FBXL18: variants seen among roughly 807,000 people sequenced by gnomAD.
FBXL18 encodes the protein F-box/LRR-repeat protein 18.
In FBXL18, 36 loss-of-function variants were observed where a neutral mutation model predicts 46.0. That is an observed-to-expected ratio of 0.78 (90% confidence interval 0.60 to 1.03). FBXL18 has a LOEUF of 1.03. FBXL18 is among the 50% of genes least tolerant of loss of function. The pLI, the probability that FBXL18 is intolerant of heterozygous loss-of-function variation, is 0.00. For missense variants in FBXL18, 977 were observed against 1,004.1 expected, an observed-to-expected ratio of 0.97 and a Z score of 0.36; for synonymous variants, 557 against 465.3, an observed-to-expected ratio of 1.20 and a Z score of -2.54.
In FBXL18 at chr7:5,501,733, G is replaced by T. The variant is rs1405846387; in HGVS notation, c.536C>A (p.Thr179Lys). Residue 179 changes from threonine to lysine, a missense_variant, in exon 3 of 5, where the codon ACG (threonine) becomes AAG (lysine). Transcript: ENST00000382368. ...CACGCCGTAGGAGGGAGTGAACAGC[G>T]TCTGCTTGAGCTCCCGCACGCGGCT... ...TLSRVRELKQ[T>K]LFTPSYGVVP... The T allele has an allele frequency of 3.2e-6, 5 of 1,571,316 alleles. No homozygotes were observed. Among genetic ancestry groups the T allele is most frequent in the Non-Finnish European group, 4.3e-6 (5 of 1,157,972 alleles).
Position 5,500,739 on chromosome 7 carries a change from G to A in FBXL18, c.1530C>T (p.Leu510=). The stretch of plus-strand genomic sequence containing the variant: ...CACTCTGTGCGCGGCTGCAGGGTGG[G>A]AGCGAGTTGCGGATGGCGGGCTCGT... ...PRNEPAIRNS[L]PPCSRAQSVG... is the part of the protein sequence containing the mutation. Residue 510 remains leucine (L), a synonymous_variant, in exon 3 of 5, where the codon CTC becomes CTT. Coordinates refer to ENST00000382368, the MANE Select transcript of FBXL18 (RefSeq NM_024963.6). The A allele has an allele frequency of 6.2e-7, 1 of 1,612,492 alleles. No individual in the cohort carries two copies. The highest frequency in any genetic ancestry group is 8.5e-7 in the Non-Finnish European group (1 of 1,179,696).
chr7:5,470,440 G>T (rs1014608391), intron 4 of FBXL18, among the ~76,000 whole-genome samples: 21 of 152,140 alleles, frequency 1.4e-4, no homozygotes, highest in African/African-American at 4.8e-4. Flanking sequence ...CAAGACACCC[G>T]TGCCCGCGGG....
At chr7:5,498,764 A>G (rs1484254192) in intron 3 of FBXL18, among the ~76,000 whole-genome samples, 1 of 151,940 alleles carries the variant, frequency 6.6e-6, no homozygotes, top group Non-Finnish European at 1.5e-5. Context: ...GTAGAAACAG[A>G]GTTTTACCAT....
chr7:5,501,092 C>T lies in FBXL18; in HGVS notation c.1177G>A (p.Ala393Thr), dbSNP rs766801813. ...CNLRHLNLSA[A>T]HHHSSEGLGR... ...AGGCCCTCCGAGCTGTGGTGGTGGG[C>T]GGCCGAGAGGTTCAGGTGGCGCAGG... Residue 393 changes from alanine (A) to threonine (T), a missense_variant, in exon 3 of 5, where the codon GCC becomes ACC. Coordinates refer to ENST00000382368, the MANE Select transcript of FBXL18 (RefSeq NM_024963.6). 1.2e-6 allele frequency: 2 copies of T among 1,612,176 alleles called. No homozygotes were observed. Among genetic ancestry groups the T allele is most frequent in the Admixed American group, 3.3e-5 (2 of 60,004 alleles).
intron 3 of FBXL18, among the ~76,000 whole-genome samples, chr7:5,493,420 C>A (rs1299037911): frequency 1.3e-5 from 2 of 151,994 alleles, no homozygotes; most frequent in Non-Finnish European, 2.9e-5. Flanking sequence ...CTCAGCCTCC[C>A]GAGTAGCTGG....
chr7:5,488,196 G>A (rs910120209), intron 4 of FBXL18, among the ~76,000 whole-genome samples: 4 of 152,232 alleles, frequency 2.6e-5, no homozygotes, highest in South Asian at 4.1e-4. Context: ...GTCACCCCAG[G>A]AGGCCAGAGG....
At chr7:5,474,765 T>G (rs939616417), downstream of FBXL18, among the ~76,000 whole-genome samples, 4 of 150,982 alleles carry the variant, frequency 2.6e-5, no homozygotes, top group Non-Finnish European at 5.9e-5. Context: ...TGGAGTGCAG[T>G]GGCGCGATCT....
In FBXL18 at chr7:5,477,608, G is replaced by A. The variant is rs1039558569; in HGVS notation, c.*4167C>T. On this transcript the variant is annotated 3_prime_UTR_variant, in exon 5 of 5. Transcript: ENST00000382368. This position sits in a 1 kb window ranked among gnomAD's most constrained non-coding sequence, Gnocchi z 4.4. The stretch of plus-strand genomic sequence containing the variant: ...TCCCAGCTACTCAGGAGGCTGATGT[G>A]GGAGAATCGCTTGAACCTGTGAGGT... Among the ~76,000 whole-genome samples, 1 of 152,048 alleles carries A rather than the reference G, an allele frequency of 6.6e-6. No individual in the cohort carries two copies. Among genetic ancestry groups the A allele is most frequent in the African/African-American group, 2.4e-5 (1 of 41,396 alleles).
chr7:5,500,341 C>G (rs1327976022), intron 3 of FBXL18, 147 bp downstream of exon 3: 2 of 688,104 alleles, frequency 2.9e-6, no homozygotes, highest in Admixed American at 2.9e-5. Flanking sequence ...CTCCCCAGAG[C>G]CCCGAGACCG....
At chr7:5,490,468 C>G (rs1584216266) in intron 4 of FBXL18, among the ~76,000 whole-genome samples, 1 of 152,184 alleles carries the variant, frequency 6.6e-6, no homozygotes, top group Non-Finnish European at 1.5e-5. Context: ...TGCCCTGTCA[C>G]GAGGGGAAGC....
At chr7:5,474,490 AC>A (rs926296863), downstream of FBXL18, among the ~76,000 whole-genome samples, 4 of 151,348 alleles carry the variant, frequency 2.6e-5, no homozygotes, top group African/African-American at 9.7e-5. Context: ...TAATATTTGT[AC>A]TTTTTGTAGA....
chr7:5,490,898 G>A (rs112373939), intron 4 of FBXL18, among the ~76,000 whole-genome samples: 75 of 152,324 alleles, frequency 4.9e-4, no homozygotes, highest in African/African-American at 1.5e-3. Context: ...GGCGAAGGTC[G>A]CAGTGAGCCG....
chr7:5,497,005 T>C (rs1253275339), intron 3 of FBXL18, among the ~76,000 whole-genome samples: 1 of 126,712 alleles, frequency 7.9e-6, no homozygotes, highest in East Asian at 2.3e-4. Flanking sequence ...TACTCAAGCC[T>C]GGGTGACAGA....
At position 5,500,742 on chromosome 7, in the gene FBXL18, C is replaced by A. The variant is rs747948745; in HGVS notation, c.1527G>T (p.Ser509=). 1.2e-6 allele frequency: 2 copies of A among 1,612,240 alleles called. No homozygotes were observed. The highest frequency in any genetic ancestry group is 2.2e-5 in the South Asian group (2 of 91,018). ...MPRNEPAIRN[S]LPPCSRAQSV... is the part of the protein sequence containing the mutation. Reference sequence around the variant, plus strand: ...TCTGTGCGCGGCTGCAGGGTGGGAGCGAGTTGCGGATGGCGGGCTCGTTGC... The same window carrying A: ...TCTGTGCGCGGCTGCAGGGTGGGAGAGAGTTGCGGATGGCGGGCTCGTTGC... Residue 509 remains serine (S), a synonymous_variant, in exon 3 of 5, where the codon TCG becomes TCT. Transcript: ENST00000382368.
chr7:5,510,302 C>CAAAAA (rs757878539), intron 1 of FBXL18, among the ~76,000 whole-genome samples: 70 of 76,780 alleles, frequency 9.1e-4, no homozygotes, highest in East Asian at 1.3e-3. Context: ...GACTCTGTCT[C>CAAAAA]AAAAAAAAAA....
intron 4 of FBXL18, among the ~76,000 whole-genome samples, chr7:5,464,943 A>G (rs1379083334): frequency 1.3e-5 from 2 of 150,906 alleles, no homozygotes; most frequent in East Asian, 4.1e-4. Flanking sequence ...CGCGCCTGTA[A>G]TCTCAGCTAC....
At chr7:5,491,721 C>T (rs1475914212) in intron 3 of FBXL18, among the ~76,000 whole-genome samples, 2 of 152,206 alleles carry the variant, frequency 1.3e-5, no homozygotes, top group Non-Finnish European at 2.9e-5. Flanking sequence ...AAGTCACCAG[C>T]CGAGGCCATC....
chr7:5,469,512 C>T (rs147631074), intron 4 of FBXL18, among the ~76,000 whole-genome samples: 5 of 151,988 alleles, frequency 3.3e-5, no homozygotes, highest in Middle Eastern at 3.4e-3. Context: ...TACTTGTGCA[C>T]GTGAGTGTGA....
intron 4 of FBXL18, among the ~76,000 whole-genome samples, chr7:5,469,875 T>C (rs1017705512): frequency 6.6e-6 from 1 of 150,560 alleles, no homozygotes; most frequent in Non-Finnish European, 1.5e-5. Flanking sequence ...TGAGTGTGAG[T>C]GTGCAGGTGT....
Sources: allele counts gnomAD v4.1 joint callset (sites outside exome capture counted in the v4.1 genomes callset), GRCh38; gene constraint gnomAD v4.1.1; non-coding constraint Gnocchi (gnomAD v3.1); transcripts MANE v1.5; gene names NCBI Gene and HGNC (gene_info 2026-07-23, HGNC 2026-07-21).